DIPK2B: variants seen among roughly 807,000 people sequenced by gnomAD.
DIPK2B encodes UPF0672 protein CXorf36.
A neutral mutation model predicts 22.2 loss-of-function variants in DIPK2B; 15 were observed. The observed-to-expected ratio is 0.68, with a 90% CI of 0.45 to 1.04. DIPK2B has a LOEUF of 1.04. Ranked by LOEUF, DIPK2B falls within the 50% of genes least tolerant of loss-of-function variation. The probability of loss-of-function intolerance (pLI) is 0.00; values close to 1 mark genes in which losing one functional copy is unlikely to be tolerated. For missense variants in DIPK2B, 345 were observed against 348.3 expected (o/e 0.99, Z 0.08); for synonymous variants, 163 against 153.2 (o/e 1.06, Z -0.47).
chrX:45,192,780 T>C (rs9698922), intron 1 of DIPK2B, among the ~76,000 whole-genome samples: 22,523 of 110,158 alleles, frequency 0.2, 1,898 homozygotes, highest in African/African-American at 0.31. Context: ...CATTGGCTTA[T>C]TTATTTATTT....
At position 45,157,897 on chromosome X, in the gene DIPK2B, A is replaced by C; in HGVS notation, c.499-9T>G. ...AGCGGGCTGGCCAGGCCCTACGCGC[A>C]GGTGGGAGAGAGGCGGGAGAAGAAG... On this transcript the variant is annotated splice_polypyrimidine_tract_variant and intron_variant, in intron 2 of 4. Coordinates refer to ENST00000398000, the MANE Select transcript of DIPK2B (RefSeq NM_176819.4). 1 of 991,281 alleles carries C rather than the reference A, an allele frequency of 1.0e-6. No individual in the cohort carries two copies. Among genetic ancestry groups the C allele is most frequent in the Non-Finnish European group, 1.3e-6 (1 of 763,913 alleles). The allele number at this position is 991,281 out of a possible 1,213,427, so 81.7% of individuals were successfully genotyped here.
chrX:45,171,360 C>T (rs763869052), intron 2 of DIPK2B, among the ~76,000 whole-genome samples: 1 of 111,574 alleles, frequency 9.0e-6, no homozygotes, highest in Non-Finnish European at 1.9e-5. Flanking sequence ...AAAAGATCCA[C>T]TGTCTTCGAG....
At position 45,162,701 on chromosome X, in the gene DIPK2B, C is replaced by T. The variant is rs368412382; in HGVS notation, c.499-4813G>A. The stretch of plus-strand genomic sequence containing the variant: ...TACATGGGCAACAGGGCTAACTTAC[C>T]ACCTCCCAGTGAAAAATAAAAAGAT... On this transcript the variant is annotated intron_variant, in intron 2 of 4. Coordinates refer to ENST00000398000, the MANE Select transcript of DIPK2B (RefSeq NM_176819.4). 165 of 752,854 alleles carry T rather than the reference C, an allele frequency of 2.2e-4. No homozygotes were observed. The African/African-American group carries it at 3.6e-3, about 17-fold the overall frequency. The allele number at this position is 752,854 out of a possible 1,213,427, so 62.0% of individuals were successfully genotyped here. A position where few individuals can be genotyped will look rare whatever the true frequency, so the allele number is the denominator to read the frequency against.
chrX:45,156,515 C>T (rs2046996800), intron 3 of DIPK2B, among the ~76,000 whole-genome samples: 1 of 111,958 alleles, frequency 8.9e-6, no homozygotes, highest in African/African-American at 3.2e-5. Flanking sequence ...AATTCCTTTT[C>T]CTCTTCTAGT....
intron 2 of DIPK2B, among the ~76,000 whole-genome samples, chrX:45,176,552 C>G (rs766764691): frequency 7.1e-5 from 8 of 112,055 alleles, no homozygotes; most frequent in Non-Finnish European, 1.5e-4. Flanking sequence ...AAGAAAGTCT[C>G]CACCACAGTT....
At chrX:45,197,841 A>C (rs1340703590) in intron 1 of DIPK2B, among the ~76,000 whole-genome samples, 1 of 112,024 alleles carries the variant, frequency 8.9e-6, no homozygotes, top group Non-Finnish European at 1.9e-5. Flanking sequence ...GTTTGTCATA[A>C]GGAATTCGTC....
intron 2 of DIPK2B, among the ~76,000 whole-genome samples, chrX:45,176,322 C>T (rs2047117981): frequency 9.0e-6 from 1 of 111,372 alleles, no homozygotes; most frequent in Non-Finnish European, 1.9e-5. Flanking sequence ...TTCTTTAGAT[C>T]CAGAACCCTG....
At chrX:45,167,660 A>T (rs941483636) in intron 2 of DIPK2B, among the ~76,000 whole-genome samples, 23 of 110,357 alleles carry the variant, frequency 2.1e-4, no homozygotes, top group African/African-American at 7.6e-4. Context: ...GGATTCTACA[A>T]GTGTCTGGCC....
chrX:45,179,934 C>T (rs2047140460), intron 2 of DIPK2B, among the ~76,000 whole-genome samples: 1 of 111,526 alleles, frequency 9.0e-6, no homozygotes, highest in South Asian at 3.8e-4. Context: ...CATCTTTAAT[C>T]ATACTGAGGG....
chrX:45,148,819 C>A lies in DIPK2B; in HGVS notation c.*2833G>T, dbSNP rs1469297425. On this transcript the variant is annotated 3_prime_UTR_variant, in exon 5 of 5. Coordinates refer to ENST00000398000, the MANE Select transcript of DIPK2B (RefSeq NM_176819.4). Reference sequence around the variant, plus strand: ...ATTTTATTGTAATTTATACTAAAAACCAATCTCCCTACAGCTCCTCGGGGG... The same window carrying A: ...ATTTTATTGTAATTTATACTAAAAAACAATCTCCCTACAGCTCCTCGGGGG... 1 of 111,358 alleles carries A rather than the reference C, an allele frequency of 9.0e-6. No individual in the cohort carries two copies. Among genetic ancestry groups the A allele is most frequent in the Non-Finnish European group, 1.9e-5 (1 of 53,085 alleles). The allele number at this position is 111,358 out of a possible 1,213,427, so 9.2% of individuals were successfully genotyped here.
At chrX:45,190,128 C>G (rs752231727) in intron 2 of DIPK2B, among the ~76,000 whole-genome samples, 6 of 112,219 alleles carry the variant, frequency 5.3e-5, no homozygotes, top group Non-Finnish European at 1.1e-4. Flanking sequence ...ACTTCTAAAG[C>G]ATATTCTTGT....
At chrX:45,172,806 A>G (rs1895860974) in intron 2 of DIPK2B, among the ~76,000 whole-genome samples, 1 of 111,957 alleles carries the variant, frequency 8.9e-6, no homozygotes, top group African/African-American at 3.3e-5. Flanking sequence ...TTCTTTTTAT[A>G]TGGGCTGTTG....
At chrX:45,156,300 C>T (rs2046995279) in intron 3 of DIPK2B, among the ~76,000 whole-genome samples, 2 of 110,999 alleles carry the variant, frequency 1.8e-5, no homozygotes, top group Non-Finnish European at 3.8e-5. Flanking sequence ...CTGTGTACCG[C>T]GGAGGGAAGT....
intron 2 of DIPK2B, among the ~76,000 whole-genome samples, chrX:45,170,450 T>C (rs2047074909): frequency 9.0e-6 from 1 of 111,582 alleles, no homozygotes; most frequent in Admixed American, 9.5e-5. Context: ...CATTCCACTC[T>C]ATGGGAGGGT....
chrX:45,161,165 A>G, intron 2 of DIPK2B, among the ~76,000 whole-genome samples: 1 of 112,472 alleles, frequency 8.9e-6, no homozygotes, highest in Non-Finnish European at 1.9e-5. Flanking sequence ...CAGCAGAATA[A>G]AAGTAGCCTG....
intron 1 of DIPK2B, among the ~76,000 whole-genome samples, chrX:45,193,591 T>C (rs777246631): frequency 8.9e-6 from 1 of 112,106 alleles, no homozygotes; most frequent in African/African-American, 3.3e-5. Flanking sequence ...CCTTGAGTTA[T>C]GCACTAGAGC....
intron 2 of DIPK2B, among the ~76,000 whole-genome samples, chrX:45,170,998 C>G (rs779530387): frequency 1.7e-4 from 19 of 111,356 alleles, no homozygotes; most frequent in Non-Finnish European, 3.6e-4. Flanking sequence ...AGGGGTGGAG[C>G]CAGGATTTGA....
chrX:45,175,303 A>C (rs1434948485), intron 2 of DIPK2B, among the ~76,000 whole-genome samples: 2 of 111,572 alleles, frequency 1.8e-5, no homozygotes, highest in Non-Finnish European at 3.8e-5. Flanking sequence ...AAATGTAAAC[A>C]GTCAACAACA....
Position 45,186,612 on chromosome X carries a change from A to G in DIPK2B, c.498+5139T>C, listed in dbSNP as rs1350847906. 5.3e-5 allele frequency among the ~76,000 whole-genome samples: 6 copies of G among 112,921 alleles called. No homozygotes were observed. The East Asian group carries it at 1.1e-3, about 21-fold the overall frequency. On this transcript the variant is annotated intron_variant, in intron 2 of 4. Coordinates refer to ENST00000398000, the MANE Select transcript of DIPK2B (RefSeq NM_176819.4). ...GTTCTTTGTTAAAACAAACAAACAAACAAGCAAATGGAAATTTTTTGAAGC... is the reference window on the plus strand; with the variant it reads ...GTTCTTTGTTAAAACAAACAAACAAGCAAGCAAATGGAAATTTTTTGAAGC...
Sources: gnomAD v4.1 joint callset for allele counts (sites outside exome capture counted in the v4.1 genomes callset) on GRCh38, gnomAD v4.1.1 for gene constraint, MANE v1.5 for transcripts, NCBI Gene and HGNC (gene_info 2026-07-23, HGNC 2026-07-21) for gene names.